The following PPP2R3A variants were observed in gnomAD, a reference collection of about 807,000 sequenced individuals.
PPP2R3A encodes the protein serine/threonine-protein phosphatase 2A regulatory subunit B'' subunit alpha.
In PPP2R3A, 80 loss-of-function variants were observed where a neutral mutation model predicts 106.9. The observed-to-expected ratio is 0.75, with a 90% CI of 0.62 to 0.90. The LOEUF is 0.90. Among genes scored for constraint, PPP2R3A ranks in the 40% least tolerant of loss-of-function variants. PPP2R3A has a pLI of 0.00. For synonymous variants in PPP2R3A, 483 were observed against 468.3 expected, an observed-to-expected ratio of 1.03 and a Z score of -0.41; for missense variants, 1,386 against 1,350.4, an observed-to-expected ratio of 1.03 and a Z score of -0.41.
chr3:136,124,724 T>G (rs79190121), intron 13 of PPP2R3A, among the ~76,000 whole-genome samples: 2,488 of 151,958 alleles, frequency 0.016, 70 homozygotes, highest in African/African-American at 0.057. Context: ...ACCTGGTTCC[T>G]TAGAAAGATT....
chr3:135,970,464 A>G (rs1339849758), intron 1 of PPP2R3A, among the ~76,000 whole-genome samples: 1 of 152,218 alleles, frequency 6.6e-6, no homozygotes, highest in East Asian at 1.9e-4. Context: ...TTTCCTTCAC[A>G]ATCTAATTCT....
At chr3:136,025,122 T>A (rs192617801) in intron 2 of PPP2R3A, among the ~76,000 whole-genome samples, 70 of 152,300 alleles carry the variant, frequency 4.6e-4, no homozygotes, top group Admixed American at 8.5e-4. Flanking sequence ...TCTTCTTACA[T>A]GATAGATGGA....
At chr3:136,119,273 G>A (rs1469388353) in intron 13 of PPP2R3A, among the ~76,000 whole-genome samples, 1 of 152,126 alleles carries the variant, frequency 6.6e-6, no homozygotes, top group Non-Finnish European at 1.5e-5. Flanking sequence ...AATCCTAGAA[G>A]AAAACCTAGG....
Position 136,076,169 on chromosome 3 carries a change from TAATTTTAGGAA to T in PPP2R3A, c.2545-2196_2545-2186del, listed in dbSNP as rs1936587175. ...ATACAAACTCATTGCTTTATAGGGC[TAATTTTAGGAA>T]AGTCTTCCTTATATTGAAGCATTTC... On this transcript the variant is annotated intron_variant, in intron 6 of 13. Coordinates refer to ENST00000264977, the MANE Select transcript of PPP2R3A (RefSeq NM_002718.5). Among the ~76,000 whole-genome samples the T allele has an allele frequency of 2.0e-5, 3 of 152,238 alleles. No individual in the cohort carries two copies. In the South Asian group the frequency reaches 6.2e-4, roughly 31 times the overall value.
intron 2 of PPP2R3A, among the ~76,000 whole-genome samples, chr3:136,016,297 G>A (rs988746399): frequency 6.6e-6 from 1 of 152,032 alleles, no homozygotes; most frequent in South Asian, 2.1e-4. Flanking sequence ...TTCTGCAGTT[G>A]TTGGGTAGAA....
chr3:135,994,067 T>G (rs1442818231), intron 1 of PPP2R3A, among the ~76,000 whole-genome samples: 1 of 152,242 alleles, frequency 6.6e-6, no homozygotes, highest in Non-Finnish European at 1.5e-5. Flanking sequence ...TTTTATTGTA[T>G]GTAAATTATC....
chr3:136,099,825 A>G (rs1013235459), intron 10 of PPP2R3A, among the ~76,000 whole-genome samples: 4 of 152,066 alleles, frequency 2.6e-5, no homozygotes, highest in Admixed American at 2.0e-4. Context: ...AAACATCTCA[A>G]ATTTGATTAG....
chr3:136,145,062 G>A lies in PPP2R3A; in HGVS notation c.3349G>A (p.Asp1117Asn), dbSNP rs755752743. The change falls in exon 14 of 14, where the codon GAT becomes AAT. Residue 1117 changes from aspartate to asparagine, a missense_variant. Physicochemically the swap from Asp to Asn is conservative, Grantham distance 23. Transcript: ENST00000264977. ...FQEGFEDYET[D>N]EPASPSEFGN... is the part of the protein sequence containing the mutation. ...TTTCAGCTTTGAAGATTATGAAACA[G>A]ATGAACCTGCCTCTCCCTCTGAATT... The A allele has an allele frequency of 1.9e-6, 3 of 1,612,948 alleles. No individual in the cohort carries two copies. The highest frequency in any genetic ancestry group is 2.5e-6 in the Non-Finnish European group (3 of 1,179,478).
intron 12 of PPP2R3A, among the ~76,000 whole-genome samples, chr3:136,105,561 G>T (rs145879743): frequency 7.1e-4 from 108 of 152,296 alleles, no homozygotes; most frequent in African/African-American, 2.6e-3. Flanking sequence ...GTAGGCTGAG[G>T]CAGGAGAATC....
chr3:136,136,765 T>G (rs1008079610), intron 13 of PPP2R3A, among the ~76,000 whole-genome samples: 1 of 152,120 alleles, frequency 6.6e-6, no homozygotes, highest in Non-Finnish European at 1.5e-5. Flanking sequence ...CAACTTAAAA[T>G]CCTCCACCTA....
At chr3:136,030,752 A>G (rs1934840655) in intron 3 of PPP2R3A, among the ~76,000 whole-genome samples, 1 of 138,334 alleles carries the variant, frequency 7.2e-6, no homozygotes, top group African/African-American at 2.8e-5. Flanking sequence ...GCTGAGTAGT[A>G]TTCCATCACA....
intron 13 of PPP2R3A, among the ~76,000 whole-genome samples, chr3:136,142,883 C>T (rs1333842049): frequency 6.6e-6 from 1 of 152,150 alleles, no homozygotes; most frequent in Non-Finnish European, 1.5e-5. Context: ...GGAAGATGCT[C>T]CCATCCTGAC....
At chr3:136,118,258 C>A (rs1315491652) in intron 13 of PPP2R3A, among the ~76,000 whole-genome samples, 1 of 152,082 alleles carries the variant, frequency 6.6e-6, no homozygotes, top group African/African-American at 2.4e-5. Context: ...TATGACAAAC[C>A]CACAGCCAGT....
chr3:135,982,409 G>A (rs185757722), intron 1 of PPP2R3A, among the ~76,000 whole-genome samples: 17 of 152,252 alleles, frequency 1.1e-4, no homozygotes, highest in African/African-American at 3.9e-4. Flanking sequence ...GAAGAACTTT[G>A]GAAGTGTCTC....
chr3:136,047,572 T>C (rs1935512996), intron 4 of PPP2R3A, among the ~76,000 whole-genome samples: 1 of 152,162 alleles, frequency 6.6e-6, no homozygotes, highest in Non-Finnish European at 1.5e-5. Context: ...TTCTCACTTG[T>C]AAGTGGGAGC....
At chr3:136,141,894 A>G (rs1034902063) in intron 13 of PPP2R3A, among the ~76,000 whole-genome samples, 10 of 152,152 alleles carry the variant, frequency 6.6e-5, no homozygotes, top group African/African-American at 2.4e-4. Context: ...AGGAAAGAGG[A>G]ACTTGGGATA....
At chr3:136,064,954 C>T (rs111862778) in intron 5 of PPP2R3A, among the ~76,000 whole-genome samples, 10,288 of 151,764 alleles carry the variant, frequency 0.068, 362 homozygotes, top group Non-Finnish European at 0.077. Flanking sequence ...GGTTGTAGAA[C>T]AGTATGAAAA....
At chr3:136,072,327 C>T (rs1936463295) in intron 6 of PPP2R3A, among the ~76,000 whole-genome samples, 1 of 152,190 alleles carries the variant, frequency 6.6e-6, no homozygotes. Context: ...CACAGTGACT[C>T]ATACCTGTAA....
chr3:136,064,254 C>T (rs1191679061), intron 5 of PPP2R3A, among the ~76,000 whole-genome samples: 2 of 115,930 alleles, frequency 1.7e-5, no homozygotes, highest in African/African-American at 7.0e-5. Context: ...ACATCACACT[C>T]TGGGGACTGT....
Sources: allele counts gnomAD v4.1 joint callset (sites outside exome capture counted in the v4.1 genomes callset), GRCh38; gene constraint gnomAD v4.1.1; transcripts MANE v1.5; gene names NCBI Gene and HGNC (gene_info 2026-07-23, HGNC 2026-07-21).